EXOSC3: variants seen among roughly 807,000 people sequenced by gnomAD.
The protein encoded by EXOSC3 is exosome component 3.
Under a neutral mutation model 25.1 loss-of-function variants are expected in EXOSC3, and 18 were observed. That is an observed-to-expected ratio of 0.72 (90% CI 0.50 to 1.06). The LOEUF is 1.06. Ranked by LOEUF, EXOSC3 falls within the 50% of genes least tolerant of loss-of-function variation. The pLI, the probability that EXOSC3 is intolerant of heterozygous loss-of-function variation, is 0.00. For missense variants in EXOSC3, 382 were observed against 350.9 expected (o/e 1.09, Z -0.71); for synonymous variants, 165 against 132.2 (o/e 1.25, Z -1.70).
At position 37,780,641 on chromosome 9, in the gene EXOSC3, T is replaced by A; in HGVS notation, c.*38A>T. ...AGGTTCACCTGAAAAAACCCATAGT[T>A]TTTTGCCTCAACTGACCTGTAAAAA... On this transcript the variant is annotated 3_prime_UTR_variant, in exon 4 of 4. Transcript: ENST00000327304. 6.4e-7 allele frequency: 1 copy of A among 1,573,070 alleles called. No individual in the cohort carries two copies. The highest frequency in any genetic ancestry group is 8.7e-7 in the Non-Finnish European group (1 of 1,147,646).
At chr9:37,783,473 G>T (rs1564014803) in intron 2 of EXOSC3, among the ~76,000 whole-genome samples, 1 of 152,134 alleles carries the variant, frequency 6.6e-6, no homozygotes, top group Non-Finnish European at 1.5e-5. Flanking sequence ...TACCTGAAAA[G>T]CTCAAATTGA....
Position 37,785,008 on chromosome 9 carries a change from C to T in EXOSC3, c.37G>A (p.Ala13Thr), listed in dbSNP as rs758230758. ...CGTGCAGCGCGCGCCCTGCTGCCCG[C>T]GAGAGATTCAGCCGCGACAGACGCA... The part of the protein sequence containing the change: ...EPASVAAESL[A>T]GSRARAARTV... Residue 13 changes from alanine to threonine, a missense_variant, in exon 1 of 4, where the codon GCG (alanine) becomes ACG (threonine). By Grantham distance (58) the Ala-to-Thr change is moderately conservative. Transcript: ENST00000327304. 3.1e-6 allele frequency: 5 copies of T among 1,604,420 alleles called. No individual in the cohort carries two copies. Among genetic ancestry groups the T allele is most frequent in the Non-Finnish European group, 4.3e-6 (5 of 1,174,138 alleles).
At chr9:37,782,164 T>A (rs370776899) in intron 2 of EXOSC3, 27 bp from the exon 3 acceptor site, 1 of 1,612,298 alleles carries the variant, frequency 6.2e-7, no homozygotes, top group African/African-American at 1.3e-5. Flanking sequence ...AACCAGTTCA[T>A]TTCCTCTCAG....
intron 3 of EXOSC3, 97 bp from the exon 4 acceptor site, chr9:37,780,977 A>C: frequency 9.7e-7 from 1 of 1,033,746 alleles, no homozygotes; most frequent in Non-Finnish European, 1.4e-6. Context: ...GCAGTTCTCC[A>C]TAGCTGTTCA....
rs765608479 is a variant in EXOSC3, at chr9:37,784,752, C to T, written c.293G>A (p.Gly98Asp). 1 of 1,601,580 alleles carries T rather than the reference C, an allele frequency of 6.2e-7. No individual in the cohort carries two copies. The change falls in exon 1 of 4, where the codon GGT becomes GAT. Residue 98 changes from glycine (G) to aspartate (D), a missense_variant. Gly to Asp is a moderately conservative substitution (Grantham distance 94). Coordinates refer to ENST00000327304, the MANE Select transcript of EXOSC3 (RefSeq NM_016042.4). ...HKEPGSGSGG[G>D]VYWVDSQQKR... ...CTGCTGAGAGTCCACCCAGTAAACACCGCCGCCGCTGCCACTGCCGGGCTC... is the reference window on the plus strand; with the variant it reads ...CTGCTGAGAGTCCACCCAGTAAACATCGCCGCCGCTGCCACTGCCGGGCTC...
intron 2 of EXOSC3, among the ~76,000 whole-genome samples, 162 bp from the exon 3 acceptor site, chr9:37,782,299 GA>G (rs538647141): frequency 6.6e-6 from 1 of 152,038 alleles, no homozygotes; most frequent in African/African-American, 2.4e-5. Context: ...GAGTCTTGGG[GA>G]AAAAAAGGAA....
In EXOSC3 at chr9:37,780,617, G is replaced by A. The variant is rs1589058687; in HGVS notation, c.*62C>T. 1.5e-6 allele frequency: 2 copies of A among 1,290,944 alleles called. No individual in the cohort carries two copies. The highest frequency in any genetic ancestry group is 2.2e-6 in the Non-Finnish European group (2 of 894,946). 80.0% of individuals were successfully genotyped at this position (1,290,944 alleles called of 1,614,324 possible). A position where few individuals can be genotyped will look rare whatever the true frequency, so the allele number is the denominator to read the frequency against. On this transcript the variant is annotated 3_prime_UTR_variant, in exon 4 of 4. Transcript: ENST00000327304. ...ATCTTCTGAGTATTTAAATGGGGGA[G>A]GTTCACCTGAAAAAACCCATAGTTT...
chr9:37,783,063 G>T (rs570898670), intron 2 of EXOSC3, among the ~76,000 whole-genome samples: 1 of 152,210 alleles, frequency 6.6e-6, no homozygotes, highest in Non-Finnish European at 1.5e-5. Flanking sequence ...GCAGGAAATT[G>T]AGTTTAATGG....
rs1294420946 is a variant in EXOSC3 at position 37,784,997 on chromosome 9, C to T, written c.48G>A (p.Arg16=). Residue 16 remains arginine, a synonymous_variant, in exon 1 of 4, where the codon AGG becomes AGA. Coordinates refer to ENST00000327304, the MANE Select transcript of EXOSC3 (RefSeq NM_016042.4). ...SVAAESLAGS[R]ARAARTVLGQ... is the part of the protein sequence containing the mutation. ...CTAGTACTGTGCGTGCAGCGCGCGCCCTGCTGCCCGCGAGAGATTCAGCCG... is the reference window on the plus strand; with the variant it reads ...CTAGTACTGTGCGTGCAGCGCGCGCTCTGCTGCCCGCGAGAGATTCAGCCG... The T allele has an allele frequency of 1.1e-5, 17 of 1,607,328 alleles. No individual in the cohort carries two copies. Among genetic ancestry groups the T allele is most frequent in the Non-Finnish European group, 1.4e-5 (16 of 1,176,336 alleles).
chr9:37,781,805 A>G (rs1456659321), intron 3 of EXOSC3, 181 bp downstream of exon 3: 5 of 659,296 alleles, frequency 7.6e-6, no homozygotes, highest in Non-Finnish European at 1.2e-5. Flanking sequence ...TCTGAATTTG[A>G]TATGTTTCCA....
chr9:37,781,224 C>A (rs575715001), intron 3 of EXOSC3, among the ~76,000 whole-genome samples: 14 of 151,898 alleles, frequency 9.2e-5, no homozygotes, highest in African/African-American at 3.1e-4. Context: ...AACTTATTTT[C>A]CTGGCCATAT....
intron 2 of EXOSC3, 22 bp from the exon 3 acceptor site, chr9:37,782,159 G>C: frequency 6.2e-7 from 1 of 1,612,412 alleles, no homozygotes; most frequent in Non-Finnish European, 8.5e-7. Context: ...TTAAAAACCA[G>C]TTCATTTCCT....
chr9:37,784,112 A>G, intron 1 of EXOSC3, 49 bp from the exon 2 acceptor site: 2 of 1,568,000 alleles, frequency 1.3e-6, no homozygotes, highest in Non-Finnish European at 8.7e-7. Flanking sequence ...ACAAGATACC[A>G]TTGGAAGATA....
rs34753153 is a variant in EXOSC3 at position 37,780,102 on chromosome 9, TATA to T, written c.*574_*576del. 9,869 of 152,530 alleles carry T rather than the reference TATA, an allele frequency of 0.065. 666 individuals are homozygous for T. Among genetic ancestry groups the T allele is most frequent in the African/African-American group, 0.18 (7,385 of 41,502 alleles). The allele number at this position is 152,530 out of a possible 1,614,324, so 9.4% of individuals were successfully genotyped here. A position where few individuals can be genotyped will look rare whatever the true frequency, so the allele number is the denominator to read the frequency against. ...GTATATTACAAAGTGGCATATAAGC[TATA>T]ATAACTATAATTTCAATTTGATGAA... On this transcript the variant is annotated 3_prime_UTR_variant, in exon 4 of 4. Transcript: ENST00000327304.
Position 37,784,226 on chromosome 9 carries a change from A to C in EXOSC3, c.325-163T>G, listed in dbSNP as rs73649214. Among the ~76,000 whole-genome samples, 3,988 of 152,302 alleles carry C rather than the reference A, an allele frequency of 0.026. 186 individuals are homozygous for C. Among genetic ancestry groups the C allele is most frequent in the African/African-American group, 0.091 (3,801 of 41,560 alleles). ...TCACTTCATAAAGTGCCGGGTGTGCAGCTTCTGGTAGTCTGTTAATTGAGT... is the reference window on the plus strand; with the variant it reads ...TCACTTCATAAAGTGCCGGGTGTGCCGCTTCTGGTAGTCTGTTAATTGAGT... On this transcript the variant is annotated intron_variant, in intron 1 of 3. Coordinates refer to ENST00000327304, the MANE Select transcript of EXOSC3 (RefSeq NM_016042.4).
At chr9:37,780,981 C>T (rs1214901652) in intron 3 of EXOSC3, 101 bp from the exon 4 acceptor site, 5 of 998,106 alleles carry the variant, frequency 5.0e-6, no homozygotes, top group Non-Finnish European at 5.8e-6. Context: ...TTCTCCATAG[C>T]TGTTCAACAA....
rs1828561726 is a variant in EXOSC3 at position 37,780,547 on chromosome 9, T to C, written c.*132A>G. 3 of 717,330 alleles carry C rather than the reference T, an allele frequency of 4.2e-6. No individual in the cohort carries two copies. Among genetic ancestry groups the C allele is most frequent in the Non-Finnish European group, 6.9e-6 (3 of 435,850 alleles). The allele number at this position is 717,330 out of a possible 1,614,324, so 44.4% of individuals were successfully genotyped here. ...AAAGCGTGGGTGAAAACCAGTAACT[T>C]ATAAAAATACTTTCGGACTCTAATA... is the stretch of plus-strand genomic sequence containing the variant. On this transcript the variant is annotated 3_prime_UTR_variant, in exon 4 of 4. Transcript: ENST00000327304.
At chr9:37,781,939 A>G (rs191458589) in intron 3 of EXOSC3, 47 bp downstream of exon 3, 1 of 1,569,140 alleles carries the variant, frequency 6.4e-7, no homozygotes, top group East Asian at 2.3e-5. Context: ...CTTTCCAAGA[A>G]TGTATAATTA....
chr9:37,784,616 C>T, intron 1 of EXOSC3, 105 bp downstream of exon 1: 1 of 1,304,644 alleles, frequency 7.7e-7, no homozygotes, highest in Non-Finnish European at 1.0e-6. Context: ...CTAGGTTTGC[C>T]TGAACAAAAG....
Sources: gnomAD v4.1 joint callset for allele counts (sites outside exome capture counted in the v4.1 genomes callset) on GRCh38, gnomAD v4.1.1 for gene constraint, MANE v1.5 for transcripts, NCBI Gene and HGNC (gene_info 2026-07-23, HGNC 2026-07-21) for gene names.